CELF4: variants seen among roughly 807,000 people sequenced by gnomAD.
CELF4 encodes CUG-BP- and ETR-3-like factor 4.
Under a neutral mutation model 59.9 loss-of-function variants are expected in CELF4, and 18 were observed. That is an observed-to-expected ratio of 0.30 (90% CI 0.21 to 0.45). The LOEUF (loss-of-function observed/expected upper bound fraction) is 0.45. CELF4 is among the 20% of genes least tolerant of loss of function. The probability of loss-of-function intolerance (pLI) is 1.00; values close to 1 mark genes in which losing one functional copy is unlikely to be tolerated. For synonymous variants in CELF4, 261 were observed against 267.1 expected (o/e 0.98, Z 0.22); for missense variants, 456 against 689.0 (o/e 0.66, Z 3.79).
intron 1 of CELF4, among the ~76,000 whole-genome samples, chr18:37,508,850 G>T (rs1422386664): frequency 6.6e-6 from 1 of 152,246 alleles, no homozygotes. Context: ...TGCACGTGCT[G>T]ACACAAACCC....
At chr18:37,324,084 C>A (rs2097213741) in intron 2 of CELF4, among the ~76,000 whole-genome samples, 1 of 152,124 alleles carries the variant, frequency 6.6e-6, no homozygotes. Flanking sequence ...TCTTGTACCA[C>A]TCCCACCACA....
intron 2 of CELF4, among the ~76,000 whole-genome samples, chr18:37,424,550 C>G (rs140645232): frequency 6.6e-6 from 1 of 152,134 alleles, no homozygotes; most frequent in Admixed American, 6.5e-5. Context: ...TCTGAGCACC[C>G]GATAGCATTT....
chr18:37,475,536 AG>A (rs1423988588), intron 2 of CELF4, among the ~76,000 whole-genome samples: 3 of 152,186 alleles, frequency 2.0e-5, no homozygotes, highest in African/African-American at 7.2e-5. Context: ...TCACAGAGGA[AG>A]GGAGCTTGGG....
chr18:37,559,679 C>T (rs959735106), intron 1 of CELF4, among the ~76,000 whole-genome samples: 1 of 152,148 alleles, frequency 6.6e-6, no homozygotes, highest in Non-Finnish European at 1.5e-5. Context: ...TGGACAGAGG[C>T]AAAGTTGAGA....
At position 37,273,489 on chromosome 18, in the gene CELF4, C is replaced by T. The variant is rs145241600; in HGVS notation, c.802-326G>A. ...CCTGTCATTCGTGGGGAAGTGACAT[C>T]CAAAGCACTAGAGACATGCTGGATG... On this transcript the variant is annotated intron_variant, in intron 6 of 12. Coordinates refer to ENST00000420428, the MANE Select transcript of CELF4 (RefSeq NM_020180.4). The T allele has an allele frequency of 9.2e-3, 9,757 of 1,056,942 alleles. 90 individuals are homozygous for T. Among genetic ancestry groups the T allele is most frequent in the South Asian group, 0.057 (1,348 of 23,836 alleles). 65.5% of individuals were successfully genotyped at this position (1,056,942 alleles called of 1,614,324 possible).
At chr18:37,519,139 GC>G (rs5824071) in intron 1 of CELF4, among the ~76,000 whole-genome samples, 94,899 of 152,038 alleles carry the variant, frequency 0.62, 33,679 homozygotes, top group East Asian at 0.84. Flanking sequence ...AGCTGGGAAT[GC>G]CCCTCCAACC....
chr18:37,537,136 T>G (rs971310114), intron 1 of CELF4, among the ~76,000 whole-genome samples: 1 of 152,220 alleles, frequency 6.6e-6, no homozygotes. Flanking sequence ...CTCCTCCTCT[T>G]GTATTTGTCT....
intron 1 of CELF4, among the ~76,000 whole-genome samples, chr18:37,486,639 C>T (rs1308520757): frequency 6.6e-6 from 1 of 152,240 alleles, no homozygotes; most frequent in Admixed American, 6.5e-5. Flanking sequence ...CCCAAAAGCT[C>T]ACTATGGCGG....
intron 3 of CELF4, among the ~76,000 whole-genome samples, chr18:37,317,097 A>G (rs985883854): frequency 3.3e-5 from 5 of 152,190 alleles, no homozygotes; most frequent in African/African-American, 1.2e-4. Context: ...TAAATTAAAC[A>G]TATTTCCGGC....
intron 2 of CELF4, among the ~76,000 whole-genome samples, chr18:37,371,415 G>A (rs2098874723): frequency 6.6e-6 from 1 of 152,186 alleles, no homozygotes; most frequent in Non-Finnish European, 1.5e-5. Flanking sequence ...CTGGCCTCAG[G>A]GGATGTGCAA....
intron 2 of CELF4, among the ~76,000 whole-genome samples, chr18:37,465,696 T>C (rs1569569513): frequency 6.6e-6 from 1 of 152,006 alleles, no homozygotes; most frequent in East Asian, 1.9e-4. Context: ...CAGAGTGCAA[T>C]GTGGATTGGA....
At chr18:37,274,076 C>T in intron 6 of CELF4, 1 of 1,366,242 alleles carries the variant, frequency 7.3e-7, no homozygotes, top group Non-Finnish European at 9.4e-7. Flanking sequence ...CAGCTCTGCC[C>T]CTTAGAACTA....
At chr18:37,264,159 G>A (rs2076281507) in intron 10 of CELF4, among the ~76,000 whole-genome samples, 1 of 152,214 alleles carries the variant, frequency 6.6e-6, no homozygotes, top group Admixed American at 6.5e-5. Context: ...AAGACCCCAA[G>A]GATGGGCCTC....
intron 2 of CELF4, among the ~76,000 whole-genome samples, chr18:37,342,908 C>G (rs1428611636): frequency 1.3e-5 from 2 of 152,200 alleles, no homozygotes; most frequent in Admixed American, 1.3e-4. Context: ...TATGTCATGT[C>G]CCTGGCGGTC....
At chr18:37,259,755 T>C (rs1367280686) in intron 10 of CELF4, among the ~76,000 whole-genome samples, 1 of 152,146 alleles carries the variant, frequency 6.6e-6, no homozygotes, top group African/African-American at 2.4e-5. Context: ...ACTCTGGGAT[T>C]GGGGTGCCCA....
rs1382390698 is a variant in CELF4, at chr18:37,245,846, C to A, written c.*45-649G>T. Among the ~76,000 whole-genome samples, 1 of 152,130 alleles carries A rather than the reference C, an allele frequency of 6.6e-6. No homozygotes were observed. The highest frequency in any genetic ancestry group is 1.5e-5 in the Non-Finnish European group (1 of 68,034). Reference sequence around the variant, plus strand: ...GTGTATGTATATGCATATATACACACATACACACACATAATACTTTTCTCA... The same window carrying A: ...GTGTATGTATATGCATATATACACAAATACACACACATAATACTTTTCTCA... On this transcript the variant is annotated intron_variant, in intron 12 of 12. Coordinates refer to ENST00000420428, the MANE Select transcript of CELF4 (RefSeq NM_020180.4). This position sits in a 1 kb window ranked among gnomAD's most constrained non-coding sequence, Gnocchi z 4.1.
At chr18:37,257,808 G>A (rs2070975728) in intron 11 of CELF4, among the ~76,000 whole-genome samples, 1 of 152,080 alleles carries the variant, frequency 6.6e-6, no homozygotes, top group Admixed American at 6.5e-5. Flanking sequence ...GGCTCTCTGG[G>A]GACTGGACTC....
At chr18:37,511,207 C>A (rs1238450527) in intron 1 of CELF4, among the ~76,000 whole-genome samples, 2 of 152,210 alleles carry the variant, frequency 1.3e-5, no homozygotes, top group East Asian at 3.9e-4. Context: ...CTTAGTTACT[C>A]ACTCACCCAT....
chr18:37,563,596 C>A lies in CELF4; in HGVS notation c.286+1760G>T, dbSNP rs138429841. ...GAGGGGGGGAAAAAGAAAGTGTTTT[C>A]TTTTTTTCTTCGAATATTATTTTGA... is the stretch of plus-strand genomic sequence containing the variant. On this transcript the variant is annotated intron_variant, in intron 1 of 12. Transcript: ENST00000420428. 3.7e-3 allele frequency among the ~76,000 whole-genome samples: 567 copies of A among 152,138 alleles called. 2 individuals carry two copies. Among genetic ancestry groups the A allele is most frequent in the Middle Eastern group, 0.02 (6 of 294 alleles).
Sources: allele counts gnomAD v4.1 joint callset (sites outside exome capture counted in the v4.1 genomes callset), GRCh38; gene constraint gnomAD v4.1.1; non-coding constraint Gnocchi (gnomAD v3.1); transcripts MANE v1.5; gene names NCBI Gene and HGNC (gene_info 2026-07-23, HGNC 2026-07-21).